Variants in MCC observed in about 807,000 individuals in gnomAD.
The protein encoded by MCC is MCC regulator of Wnt signaling pathway, also known as colorectal mutant cancer protein.
In MCC, 90 loss-of-function variants were observed where a neutral mutation model predicts 116.2. The ratio of observed to expected loss-of-function variants is 0.77; its 90% CI spans 0.65 to 0.92. The LOEUF is 0.92. MCC is among the 40% of genes least tolerant of loss of function. The pLI is 0.00. For missense variants in MCC, 1,516 were observed against 1,312.2 expected (o/e 1.16, Z -2.40); for synonymous variants, 578 against 510.5 (o/e 1.13, Z -1.78).
intron 3 of MCC, among the ~76,000 whole-genome samples, chr5:113,321,795 T>C (rs1183338658): frequency 2.0e-5 from 3 of 152,242 alleles, no homozygotes; most frequent in Non-Finnish European, 4.4e-5. Context: ...TTTGATTCAC[T>C]AGGTCCGGGG....
chr5:113,387,749 C>T (rs1374833778), intron 1 of MCC, among the ~76,000 whole-genome samples: 2 of 152,242 alleles, frequency 1.3e-5, no homozygotes, highest in Non-Finnish European at 2.9e-5. Flanking sequence ...GTAGTACCTA[C>T]CTCATAGGGC....
At chr5:113,199,729 C>A (rs1762590318) in intron 3 of MCC, among the ~76,000 whole-genome samples, 1 of 152,112 alleles carries the variant, frequency 6.6e-6, no homozygotes, top group Non-Finnish European at 1.5e-5. Flanking sequence ...CCAATGACTG[C>A]CAGCTTGCTG....
chr5:113,348,757 A>G (rs1032081798), intron 2 of MCC, among the ~76,000 whole-genome samples: 1 of 152,110 alleles, frequency 6.6e-6, no homozygotes, highest in Non-Finnish European at 1.5e-5. Flanking sequence ...ACAAAGGATC[A>G]ATAAAGCAGA....
intron 3 of MCC, among the ~76,000 whole-genome samples, chr5:113,336,644 A>G (rs1291235456): frequency 6.6e-6 from 1 of 152,222 alleles, no homozygotes; most frequent in Non-Finnish European, 1.5e-5. Context: ...ACACAGAACC[A>G]ATAGTCTTCA....
intron 2 of MCC, among the ~76,000 whole-genome samples, chr5:113,369,213 T>G (rs777338431): frequency 6.6e-6 from 1 of 152,068 alleles, no homozygotes; most frequent in South Asian, 2.1e-4. Flanking sequence ...TCCCCAGAGG[T>G]TGGGGGCTGG....
At chr5:113,374,570 T>A (rs1006476112) in intron 2 of MCC, among the ~76,000 whole-genome samples, 1 of 152,152 alleles carries the variant, frequency 6.6e-6, no homozygotes, top group Admixed American at 6.5e-5. Context: ...TGAAGTCACA[T>A]GTTTCATCTT....
intron 8 of MCC, chr5:113,101,533 G>A: frequency 1.7e-6 from 1 of 577,816 alleles, no homozygotes; most frequent in South Asian, 2.2e-5. Context: ...CCAGAGAAAA[G>A]TGTTTGCTTT....
At position 113,238,701 on chromosome 5, in the gene MCC, A is replaced by G. The variant is rs566298556; in HGVS notation, c.628-87279T>C. ...ATTAGTTTCATCCTCCCACATGCCA[A>G]TGGGTATGGGATGTGGAAAGACTGC... is the stretch of plus-strand genomic sequence containing the variant. On this transcript the variant is annotated intron_variant, in intron 3 of 18. Coordinates refer to ENST00000408903, the MANE Select transcript of MCC (RefSeq NM_001085377.2). Among the ~76,000 whole-genome samples the G allele has an allele frequency of 6.2e-4, 94 of 152,330 alleles. No homozygotes were observed. The South Asian group carries it at 7.5e-3, about 12-fold the overall frequency.
intron 3 of MCC, among the ~76,000 whole-genome samples, chr5:113,168,391 T>C (rs780977377): frequency 1.3e-5 from 2 of 152,242 alleles, no homozygotes; most frequent in Non-Finnish European, 2.9e-5. Context: ...TCTTTGAAAC[T>C]TTCTGAAGAA....
At position 113,022,521 on chromosome 5, in the gene MCC, G is replaced by T. The variant is rs1025057407; in HGVS notation, c.*4781C>A. The stretch of plus-strand genomic sequence containing the variant: ...CTAAAAACTGATTAGAACTAGAAAA[G>T]AAGTGGACATGTTTTATTATCTTTG... On this transcript the variant is annotated 3_prime_UTR_variant, in exon 19 of 19. Coordinates refer to ENST00000408903, the MANE Select transcript of MCC (RefSeq NM_001085377.2). 14 of 152,444 alleles carry T rather than the reference G, an allele frequency of 9.2e-5. No individual in the cohort carries two copies. The highest frequency in any genetic ancestry group is 3.4e-4 in the African/African-American group (14 of 41,454). 9.4% of individuals were successfully genotyped at this position (152,444 alleles called of 1,614,324 possible). A position where few individuals can be genotyped will look rare whatever the true frequency, so the allele number is the denominator to read the frequency against.
intron 1 of MCC, among the ~76,000 whole-genome samples, chr5:113,446,773 T>C (rs1771230582): frequency 6.6e-6 from 1 of 152,076 alleles, no homozygotes; most frequent in South Asian, 2.1e-4. Flanking sequence ...GACATAAAGA[T>C]GGCAACAATA....
chr5:113,293,926 A>C (rs965637100), intron 3 of MCC, among the ~76,000 whole-genome samples: 6 of 151,434 alleles, frequency 4.0e-5, no homozygotes, highest in East Asian at 3.9e-4. Context: ...CACCACCACC[A>C]CCCCCACCAA....
intron 1 of MCC, among the ~76,000 whole-genome samples, chr5:113,392,552 A>G (rs1178571348): frequency 6.6e-6 from 1 of 152,160 alleles, no homozygotes; most frequent in Non-Finnish European, 1.5e-5. Context: ...CCCTTCAACC[A>G]GAAATTCAAC....
chr5:113,340,703 C>A lies in MCC; in HGVS notation c.443G>T (p.Trp148Leu). Reference sequence around the variant, plus strand: ...GTCCCTGGCACCAGAGTCGTATTCCCAGCTCTCCCTGGCTGCTGATAAGGC... The same window carrying A: ...GTCCCTGGCACCAGAGTCGTATTCCAAGCTCTCCCTGGCTGCTGATAAGGC... ...LGALSAARES[W>L]EYDSGARDLQ... The change falls in exon 3 of 19, where the codon TGG becomes TTG. Residue 148 changes from tryptophan to leucine, a missense_variant. Physicochemically the swap from Trp to Leu is moderately conservative, Grantham distance 61. Coordinates refer to ENST00000408903, the MANE Select transcript of MCC (RefSeq NM_001085377.2). The A allele has an allele frequency of 6.2e-7, 1 of 1,613,624 alleles. No individual in the cohort carries two copies. The highest frequency in any genetic ancestry group is 1.7e-4 in the Middle Eastern group (1 of 5,718).
At chr5:113,027,644 G>A (rs898323502) in intron 18 of MCC, among the ~76,000 whole-genome samples, 162 bp from the exon 19 acceptor site, 2 of 152,024 alleles carry the variant, frequency 1.3e-5, no homozygotes, top group African/African-American at 4.8e-5. Context: ...AGGAGGGACA[G>A]CACCAGGATG....
intron 1 of MCC, among the ~76,000 whole-genome samples, chr5:113,486,641 C>T (rs12659593): frequency 0.031 from 4,783 of 152,102 alleles, 104 homozygotes; most frequent in East Asian, 0.087. Flanking sequence ...GTCAGGAATT[C>T]GAGACCAGCC....
intron 3 of MCC, among the ~76,000 whole-genome samples, chr5:113,327,991 T>A (rs1162260568): frequency 1.3e-5 from 2 of 152,122 alleles, no homozygotes; most frequent in Non-Finnish European, 2.9e-5. Flanking sequence ...AACAAATGAT[T>A]ATTCTTCTCA....
At chr5:113,152,857 T>C (rs1759961916) in intron 3 of MCC, among the ~76,000 whole-genome samples, 1 of 151,954 alleles carries the variant, frequency 6.6e-6, no homozygotes, top group Non-Finnish European at 1.5e-5. Flanking sequence ...AAAAAGAAAA[T>C]GTCAGGCAAT....
chr5:113,287,962 C>G (rs542264809), intron 3 of MCC, among the ~76,000 whole-genome samples: 3 of 152,386 alleles, frequency 2.0e-5, no homozygotes, highest in Non-Finnish European at 4.4e-5. Context: ...CTGTGGCCAT[C>G]CCAGTTCTGA....
Sources: allele counts gnomAD v4.1 joint callset (sites outside exome capture counted in the v4.1 genomes callset), GRCh38; gene constraint gnomAD v4.1.1; transcripts MANE v1.5; gene names NCBI Gene and HGNC (gene_info 2026-07-23, HGNC 2026-07-21).